SLC9C1: variants seen among roughly 807,000 people sequenced by gnomAD.
The protein encoded by SLC9C1 is solute carrier family 9 member C1.
SLC9C1 carries 97 observed loss-of-function variants against 140.9 expected under a neutral mutation model. That is an observed-to-expected ratio of 0.69 (90% CI 0.58 to 0.82). The LOEUF (loss-of-function observed/expected upper bound fraction) is 0.82, where lower values mean the gene tolerates loss of function less well. SLC9C1 is among the 40% of genes least tolerant of loss of function. The pLI is 0.00. For synonymous variants in SLC9C1, 440 were observed against 442.6 expected, an observed-to-expected ratio of 0.99 and a Z score of 0.07; for missense variants, 1,340 against 1,389.3, an observed-to-expected ratio of 0.96 and a Z score of 0.56.
chr3:112,249,504 T>G (rs1348257805), intron 10 of SLC9C1, among the ~76,000 whole-genome samples: 1 of 152,076 alleles, frequency 6.6e-6, no homozygotes, highest in Non-Finnish European at 1.5e-5. Flanking sequence ...CTATTCTAAA[T>G]TTTTTGGAAT....
chr3:112,270,549 A>T (rs1422505017), intron 6 of SLC9C1, among the ~76,000 whole-genome samples: 1 of 152,228 alleles, frequency 6.6e-6, no homozygotes, highest in Non-Finnish European at 1.5e-5. Flanking sequence ...GCTCATGCCT[A>T]TAATCCCAGC....
At position 112,179,686 on chromosome 3, in the gene SLC9C1, G is replaced by T. The variant is rs2077403058; in HGVS notation, c.2764C>A (p.Pro922Thr). 6.3e-7 allele frequency: 1 copy of T among 1,599,004 alleles called. No homozygotes were observed. Among genetic ancestry groups the T allele is most frequent in the Non-Finnish European group, 8.5e-7 (1 of 1,175,420 alleles). Residue 922 changes from proline to threonine, a missense_variant, in exon 23 of 29, where the codon CCA becomes ACA. Transcript: ENST00000305815. Reference protein sequence around the residue: ...SGMVKLEKSKPGLGIDQMVES... With the variant: ...SGMVKLEKSKTGLGIDQMVES... ...ACCATTTGATCAATCCCTAAACCTG[G>T]CTTTGATTTTTCAAGCTGTTCAGGA...
At chr3:112,261,688 A>G (rs1404451433) in intron 10 of SLC9C1, among the ~76,000 whole-genome samples, 4 of 152,086 alleles carry the variant, frequency 2.6e-5, no homozygotes, top group Non-Finnish European at 4.4e-5. Context: ...TTTACTTACT[A>G]AAATTTTATT....
intron 5 of SLC9C1, among the ~76,000 whole-genome samples, chr3:112,275,520 C>T (rs6807950): frequency 0.29 from 43,759 of 152,004 alleles, 6,449 homozygotes; most frequent in East Asian, 0.36. Flanking sequence ...GTTCCTGATA[C>T]TACTCACTTC....
chr3:112,292,000 A>T (rs2080698217), intron 1 of SLC9C1, among the ~76,000 whole-genome samples: 1 of 152,228 alleles, frequency 6.6e-6, no homozygotes, highest in Non-Finnish European at 1.5e-5. Context: ...CACTATTCTT[A>T]GCAAACTAAT....
rs776776390 is a variant in SLC9C1, at chr3:112,179,684, T to C, written c.2766A>G (p.Pro922=). The change falls in exon 23 of 29, where the codon CCA becomes CCG. Residue 922 remains proline, a synonymous_variant. Coordinates refer to ENST00000305815, the MANE Select transcript of SLC9C1 (RefSeq NM_183061.3). ...CCACCATTTGATCAATCCCTAAACC[T>C]GGCTTTGATTTTTCAAGCTGTTCAG... The part of the protein sequence containing the change: ...SGMVKLEKSK[P]GLGIDQMVES... 5 of 1,600,992 alleles carry C rather than the reference T, an allele frequency of 3.1e-6. No homozygotes were observed. In the South Asian group the frequency reaches 5.8e-5, roughly 18 times the overall value.
intron 20 of SLC9C1, among the ~76,000 whole-genome samples, chr3:112,183,463 A>G (rs2077480382): frequency 6.9e-6 from 1 of 144,694 alleles, no homozygotes; most frequent in Admixed American, 7.2e-5. Context: ...CCACTTGGCA[A>G]TGGCACCAGG....
At chr3:112,237,736 C>G (rs372052575) in intron 12 of SLC9C1, among the ~76,000 whole-genome samples, 2 of 152,086 alleles carry the variant, frequency 1.3e-5, no homozygotes, top group Admixed American at 6.6e-5. Context: ...GGCTGGATAT[C>G]AAATTCTGGG....
intron 13 of SLC9C1, among the ~76,000 whole-genome samples, chr3:112,225,753 A>C (rs2078667105): frequency 1.3e-5 from 1 of 74,934 alleles, no homozygotes; most frequent in East Asian, 1.2e-3. Context: ...AACAGAACCC[A>C]AAAATGATCA....
chr3:112,210,772 A>G lies in SLC9C1; in HGVS notation c.1791-2399T>C, dbSNP rs2078179666. On this transcript the variant is annotated intron_variant, in intron 15 of 28. Coordinates refer to ENST00000305815, the MANE Select transcript of SLC9C1 (RefSeq NM_183061.3). ...CCCACATTTCTAATAAACATTCTGT[A>G]GCTATTTATGCCCTGTGACACTCAT... Among the ~76,000 whole-genome samples, 3 of 152,188 alleles carry G rather than the reference A, an allele frequency of 2.0e-5. No individual in the cohort carries two copies. The South Asian group carries it at 6.2e-4, about 32-fold the overall frequency.
At chr3:112,159,862 A>T (rs1243076977) in intron 26 of SLC9C1, among the ~76,000 whole-genome samples, 4 of 151,816 alleles carry the variant, frequency 2.6e-5, no homozygotes, top group African/African-American at 9.7e-5. Flanking sequence ...GGTCCATTTT[A>T]TCTGATATAA....
At chr3:112,262,001 G>A (rs1430790370) in intron 10 of SLC9C1, among the ~76,000 whole-genome samples, 1 of 151,990 alleles carries the variant, frequency 6.6e-6, no homozygotes, top group Non-Finnish European at 1.5e-5. Flanking sequence ...TAAGTTACTT[G>A]TTAAATATTT....
chr3:112,258,327 G>T (rs1188200088), intron 10 of SLC9C1, among the ~76,000 whole-genome samples: 1 of 152,194 alleles, frequency 6.6e-6, no homozygotes, highest in East Asian at 1.9e-4. Context: ...TAAAGAAAAT[G>T]TACATATACA....
chr3:112,286,870 C>T lies in SLC9C1; in HGVS notation c.-79G>A, dbSNP rs2080523863. On this transcript the variant is annotated 5_prime_UTR_variant, in exon 2 of 29. It removes an upstream start codon present in the reference 5' UTR. Coordinates refer to ENST00000305815, the MANE Select transcript of SLC9C1 (RefSeq NM_183061.3). ...ATCCATCTTGTTGTTTTTCACAGTC[C>T]ATCTGAATCTAAGAAACATAAGATT... 1 of 905,236 alleles carries T rather than the reference C, an allele frequency of 1.1e-6. No individual in the cohort carries two copies. The highest frequency in any genetic ancestry group is 1.6e-6 in the Non-Finnish European group (1 of 619,638). 56.1% of individuals were successfully genotyped at this position (905,236 alleles called of 1,614,324 possible). A position where few individuals can be genotyped will look rare whatever the true frequency, so the allele number is the denominator to read the frequency against.
intron 26 of SLC9C1, among the ~76,000 whole-genome samples, chr3:112,164,340 G>C (rs202042944): frequency 7.0e-6 from 1 of 142,568 alleles, no homozygotes; most frequent in African/African-American, 2.7e-5. Context: ...TATTTTGCTC[G>C]TTAGTGGATG....
intron 20 of SLC9C1, among the ~76,000 whole-genome samples, chr3:112,185,313 G>T (rs1654328104): frequency 6.7e-6 from 1 of 148,970 alleles, no homozygotes; most frequent in South Asian, 2.2e-4. Context: ...TAAATCCTTA[G>T]GTCAGGGCTT....
intron 8 of SLC9C1, 146 bp from the exon 9 acceptor site, chr3:112,264,489 A>C (rs1363894852): frequency 5.5e-6 from 2 of 363,814 alleles, no homozygotes; most frequent in Non-Finnish European, 9.3e-6. Flanking sequence ...GTAGCTGAAA[A>C]TGATGAAAAG....
intron 18 of SLC9C1, among the ~76,000 whole-genome samples, chr3:112,201,178 T>C (rs1391033959): frequency 1.3e-5 from 2 of 152,038 alleles, no homozygotes; most frequent in African/African-American, 4.8e-5. Flanking sequence ...TTTATGAACA[T>C]AGGTAGGTAC....
intron 11 of SLC9C1, among the ~76,000 whole-genome samples, chr3:112,242,810 A>C (rs6773805): frequency 0.3 from 44,955 of 152,026 alleles, 7,208 homozygotes; most frequent in East Asian, 0.43. Context: ...TACAACTACT[A>C]TGTATCCACA....
Sources: gnomAD v4.1 joint callset for allele counts (sites outside exome capture counted in the v4.1 genomes callset) on GRCh38, gnomAD v4.1.1 for gene constraint, MANE v1.5 for transcripts, NCBI Gene and HGNC (gene_info 2026-07-23, HGNC 2026-07-21) for gene names.